Variants in SLC24A1 observed in about 807,000 individuals in gnomAD.
SLC24A1 encodes the protein sodium/potassium/calcium exchanger 1.
A neutral mutation model predicts 88.1 loss-of-function variants in SLC24A1; 52 were observed. The ratio of observed to expected loss-of-function variants is 0.59; its 90% CI spans 0.47 to 0.74. The LOEUF (loss-of-function observed/expected upper bound fraction) is 0.74. Ranked by LOEUF, SLC24A1 falls within the 30% of genes least tolerant of loss-of-function variation. The pLI is 0.00. For synonymous variants in SLC24A1, 455 were observed against 498.0 expected (o/e 0.91, Z 1.15); for missense variants, 1,173 against 1,363.3 (o/e 0.86, Z 2.20).
intron 2 of SLC24A1, among the ~76,000 whole-genome samples, chr15:65,631,318 T>A (rs1305023497): frequency 1.3e-5 from 2 of 151,910 alleles, no homozygotes; most frequent in African/African-American, 4.8e-5. Flanking sequence ...ACCAACAGAA[T>A]TTTTTTTAGT....
intron 4 of SLC24A1, among the ~76,000 whole-genome samples, 167 bp downstream of exon 4, chr15:65,639,870 A>T (rs2075066142): frequency 6.6e-6 from 1 of 152,192 alleles, no homozygotes; most frequent in South Asian, 2.1e-4. Context: ...GAAAGAGGGT[A>T]GAGACCAAGA....
chr15:65,633,147 G>A (rs2074789367), intron 2 of SLC24A1, among the ~76,000 whole-genome samples: 3 of 152,128 alleles, frequency 2.0e-5, no homozygotes, highest in Admixed American at 6.5e-5. Flanking sequence ...AAAAACCAGA[G>A]AAATGAGAGG....
At chr15:65,635,973 G>A (rs1323622602) in intron 2 of SLC24A1, among the ~76,000 whole-genome samples, 1 of 152,216 alleles carries the variant, frequency 6.6e-6, no homozygotes, top group Non-Finnish European at 1.5e-5. Flanking sequence ...CTGCATGAAT[G>A]AATAAGTTGG....
In SLC24A1 at chr15:65,624,433, C is replaced by T. The variant is rs201751369; in HGVS notation, c.353C>T (p.Thr118Ile). 6.2e-6 allele frequency: 10 copies of T among 1,612,450 alleles called. No homozygotes were observed. The highest frequency in any genetic ancestry group is 8.5e-6 in the Non-Finnish European group (10 of 1,179,254). The change falls in exon 2 of 10, where the codon ACA becomes ATA. Residue 118 changes from threonine (T) to isoleucine (I), a missense_variant. Thr to Ile is a moderately conservative substitution (Grantham distance 89, BLOSUM62 -1). Transcript: ENST00000261892. ...VENIPSMPKR[T>I]AKMIPTTTKN... ...AATATCCCCAGTATGCCTAAAAGAA[C>T]AGCCAAGATGATCCCAACAACAACC...
rs1423907276 is a variant in SLC24A1 at position 65,644,368 on chromosome 15, G to A, written c.2054-59G>A. Reference sequence around the variant, plus strand: ...CTCAGCTGACTGTCCTAACTGAAAGGGCGTGGCAGGGATGATCCTACAATT... The same window carrying A: ...CTCAGCTGACTGTCCTAACTGAAAGAGCGTGGCAGGGATGATCCTACAATT... On this transcript the variant is annotated intron_variant, in intron 4 of 9. Coordinates refer to ENST00000261892, the MANE Select transcript of SLC24A1 (RefSeq NM_004727.3). The A allele has an allele frequency of 1.0e-5, 12 of 1,201,476 alleles. No individual in the cohort carries two copies. In the Admixed American group the frequency reaches 2.4e-4, roughly 24 times the overall value. The allele number at this position is 1,201,476 out of a possible 1,614,324, so 74.4% of individuals were successfully genotyped here.
chr15:65,655,820 ATTT>A lies in SLC24A1; in HGVS notation c.*1744_*1746del. On this transcript the variant is annotated 3_prime_UTR_variant, in exon 10 of 10. Transcript: ENST00000261892. ...CCAGGATTCTCATTCTTTGGAAATA[ATTT>A]TTATTAAATTTCAATAAACTGTGAA... 1 of 984,706 alleles carries A rather than the reference ATTT, an allele frequency of 1.0e-6. No homozygotes were observed. Among genetic ancestry groups the A allele is most frequent in the South Asian group, 4.7e-5 (1 of 21,264 alleles). 61.0% of individuals were successfully genotyped at this position (984,706 alleles called of 1,614,324 possible).
chr15:65,617,172 T>C (rs1265040310), upstream of SLC24A1, among the ~76,000 whole-genome samples: 1 of 152,218 alleles, frequency 6.6e-6, no homozygotes, highest in Admixed American at 6.5e-5. Flanking sequence ...CCTCCAGCTT[T>C]GTTCTTTTTG....
intron 6 of SLC24A1, among the ~76,000 whole-genome samples, chr15:65,649,553 C>T (rs2075424991): frequency 7.5e-6 from 1 of 133,656 alleles, no homozygotes; most frequent in African/African-American, 2.9e-5. Flanking sequence ...ACCACGTGGA[C>T]CATGGGCAAG....
intron 1 of SLC24A1, among the ~76,000 whole-genome samples, chr15:65,623,190 C>T (rs550377898): frequency 6.6e-6 from 1 of 152,224 alleles, no homozygotes; most frequent in East Asian, 1.9e-4. Flanking sequence ...AAATAAGTCA[C>T]CTTCTGACCT....
At position 65,625,568 on chromosome 15, in the gene SLC24A1, CG is replaced by C; in HGVS notation, c.1489del (p.Ala497ProfsTer73). 1 of 1,611,204 alleles carries C rather than the reference CG, an allele frequency of 6.2e-7. No homozygotes were observed. Among genetic ancestry groups the C allele is most frequent in the Non-Finnish European group, 8.5e-7 (1 of 1,179,302 alleles). The stretch of plus-strand genomic sequence containing the variant: ...TGCAGATCTCCGAGGATGTGGCAGG[CG>C]CCACATTCATGGCTGCTGGAGGCTC... ...KLQISEDVAG[A>X]TFMAAGGSAP... On this transcript the variant is annotated frameshift_variant, in exon 2 of 10. Coordinates refer to ENST00000261892, the MANE Select transcript of SLC24A1 (RefSeq NM_004727.3). LOFTEE classifies it high-confidence loss of function.
downstream of SLC24A1, chr15:65,659,766 C>T (rs1338582698): frequency 6.5e-6 from 1 of 153,766 alleles, no homozygotes; most frequent in African/African-American, 2.4e-5. Context: ...GGAAATACAA[C>T]CCTCTCCAAA....
intron 2 of SLC24A1, among the ~76,000 whole-genome samples, chr15:65,613,608 C>T (rs945719838): frequency 6.6e-6 from 1 of 151,972 alleles, no homozygotes. Context: ...CCTCAACCTC[C>T]CACGTAGCTG....
In SLC24A1 at chr15:65,641,082, AT is replaced by A. The variant is rs2075111134; in HGVS notation, c.2053+1384del. ...CCTCAAATAAATAAATAAATAAATA[AT>A]TTTTAAAAAGGCTGGACACAGTGGC... is the stretch of plus-strand genomic sequence containing the variant. On this transcript the variant is annotated intron_variant, in intron 4 of 9. Coordinates refer to ENST00000261892, the MANE Select transcript of SLC24A1 (RefSeq NM_004727.3). Among the ~76,000 whole-genome samples the A allele has an allele frequency of 2.6e-5, 4 of 151,832 alleles. No individual in the cohort carries two copies. The South Asian group carries it at 8.4e-4, about 32-fold the overall frequency.
At chr15:65,641,512 G>A (rs1167628262) in intron 4 of SLC24A1, among the ~76,000 whole-genome samples, 1 of 152,146 alleles carries the variant, frequency 6.6e-6, no homozygotes, top group Non-Finnish European at 1.5e-5. Context: ...GCTGCTGATG[G>A]AGCTGTTAGG....
chr15:65,625,992 T>G (rs2074501649), intron 2 of SLC24A1, 22 bp downstream of exon 2: 1 of 1,555,968 alleles, frequency 6.4e-7, no homozygotes, highest in African/African-American at 1.4e-5. Flanking sequence ...TTGGCTCAGG[T>G]TTCTCTAGCC....
At chr15:65,651,636 GCTTA>G (rs777599987) in intron 7 of SLC24A1, 30 bp from the exon 8 acceptor site, 2 of 1,147,670 alleles carry the variant, frequency 1.7e-6, no homozygotes, top group Non-Finnish European at 2.6e-6. Context: ...AACCTCTACA[GCTTA>G]CTTCTTGTCC....
At chr15:65,656,799 G>A (rs1164988393), downstream of SLC24A1, among the ~76,000 whole-genome samples, 1 of 152,222 alleles carries the variant, frequency 6.6e-6, no homozygotes, top group African/African-American at 2.4e-5. Context: ...AATGGGTTAA[G>A]AGTCTATATA....
chr15:65,635,472 A>AAG (rs1566955025), intron 2 of SLC24A1, among the ~76,000 whole-genome samples: 5 of 147,630 alleles, frequency 3.4e-5, no homozygotes, highest in African/African-American at 1.2e-4. Flanking sequence ...AAAAAAAAAG[A>AAG]AAAAAAAAGA....
At chr15:65,648,557 C>T (rs1399173800) in intron 6 of SLC24A1, among the ~76,000 whole-genome samples, 1 of 151,834 alleles carries the variant, frequency 6.6e-6, no homozygotes, top group African/African-American at 2.4e-5. Flanking sequence ...TCTCAGCTCA[C>T]TGCAACCTCT....
Sources: gnomAD v4.1 joint callset for allele counts (sites outside exome capture counted in the v4.1 genomes callset) on GRCh38, gnomAD v4.1.1 for gene constraint, MANE v1.5 for transcripts, NCBI Gene and HGNC (gene_info 2026-07-23, HGNC 2026-07-21) for gene names.